The following MSN variants were observed in gnomAD, a reference collection of about 807,000 sequenced individuals.
The protein encoded by MSN is epididymis luminal protein 70.
MSN carries 2 observed loss-of-function variants against 48.0 expected under a neutral mutation model. That is an observed-to-expected ratio of 0.04 (90% CI 0.02 to 0.13). The LOEUF (loss-of-function observed/expected upper bound fraction) is 0.13. Ranked by LOEUF, MSN falls within the 10% of genes least tolerant of loss-of-function variation. MSN has a pLI of 1.00. For synonymous variants in MSN, 146 were observed against 166.9 expected (o/e 0.87, Z 0.97); for missense variants, 267 against 470.1 (o/e 0.57, Z 3.99).
intron 1 of MSN, among the ~76,000 whole-genome samples, chrX:65,708,871 C>A (rs777548448): frequency 6.5e-5 from 7 of 107,995 alleles, no homozygotes; most frequent in African/African-American, 2.4e-4. Context: ...TTAGTAGAGA[C>A]GGGGTTTTGC....
chrX:65,688,517 G>A (rs1205984813), intron 1 of MSN, among the ~76,000 whole-genome samples: 1 of 112,006 alleles, frequency 8.9e-6, no homozygotes, highest in African/African-American at 3.2e-5. Context: ...GACTATGCAC[G>A]GGGTGGAGTG....
exon 1 of MSN, chrX:65,588,489 G>A (rs1345758374): frequency 2.1e-5 from 15 of 717,536 alleles, no homozygotes; most frequent in Non-Finnish European, 2.5e-5. Flanking sequence ...TGCAGGGGCA[G>A]CCATGAGCTC....
At position 65,667,745 on chromosome X, in the gene MSN, C is replaced by G; in HGVS notation, c.-97C>G. 1.9e-5 allele frequency: 22 copies of G among 1,173,680 alleles called. No individual in the cohort carries two copies. The highest frequency in any genetic ancestry group is 2.5e-5 in the Non-Finnish European group (22 of 873,391). On this transcript the variant is annotated 5_prime_UTR_variant, in exon 1 of 13. Coordinates refer to ENST00000360270, the MANE Select transcript of MSN (RefSeq NM_002444.3). ...CGCTAGTGAGGGACCCAATCTGAGT[C>G]CCCGGCCAGCCGAATCCAAGCCGTG...
chrX:65,729,771 A>G, intron 4 of MSN, 59 bp downstream of exon 4: 1 of 1,126,216 alleles, frequency 8.9e-7, no homozygotes, highest in Non-Finnish European at 1.2e-6. Context: ...CCCACAGCTG[A>G]CCAATCCCTG....
At chrX:65,611,720 G>T (rs1051831979) in intron 1 of MSN, among the ~76,000 whole-genome samples, 3 of 111,603 alleles carry the variant, frequency 2.7e-5, no homozygotes, top group Non-Finnish European at 3.8e-5. Flanking sequence ...ATTACTTTGA[G>T]TATATACCCA....
chrX:65,622,211 C>T (rs1322077083), intron 1 of MSN, among the ~76,000 whole-genome samples: 6 of 107,173 alleles, frequency 5.6e-5, no homozygotes, highest in Non-Finnish European at 9.6e-5. Context: ...TCTCCTGCCT[C>T]AGCCTCCTGA....
chrX:65,712,689 A>G (rs1417134708), intron 1 of MSN, among the ~76,000 whole-genome samples: 1 of 110,916 alleles, frequency 9.0e-6, no homozygotes, highest in African/African-American at 3.3e-5. Flanking sequence ...CACGGACTCT[A>G]TGAAATACTG....
intron 2 of MSN, among the ~76,000 whole-genome samples, chrX:65,719,572 A>G (rs1478116819): frequency 8.9e-6 from 1 of 111,895 alleles, no homozygotes; most frequent in East Asian, 2.8e-4. Flanking sequence ...GGAAGTGTCC[A>G]TAGAACACAT....
intron 1 of MSN, among the ~76,000 whole-genome samples, chrX:65,643,124 G>A (rs1167054534): frequency 1.8e-5 from 2 of 111,392 alleles, no homozygotes; most frequent in East Asian, 2.8e-4. Context: ...TGAATAGGTA[G>A]GTGGTTACCT....
At chrX:65,666,736 C>T (rs758452643), upstream of MSN, among the ~76,000 whole-genome samples, 90 of 111,422 alleles carry the variant, frequency 8.1e-4, no homozygotes, top group Non-Finnish European at 1.3e-3. Flanking sequence ...GTTAAGATTA[C>T]AGTCATGAGC....
intron 8 of MSN, 140 bp downstream of exon 8, chrX:65,735,570 C>A: frequency 1.3e-6 from 1 of 758,337 alleles, no homozygotes; most frequent in Non-Finnish European, 1.8e-6. Flanking sequence ...CACATTTATT[C>A]AGAAAAAATC....
chrX:65,740,504 C>T lies in MSN; in HGVS notation c.*611C>T. On this transcript the variant is annotated 3_prime_UTR_variant, in exon 13 of 13. Transcript: ENST00000360270. ...TGTTGCAAACTCAGCCTCAATAAGC[C>T]TTGTCGTTGACTTTAGGGACTCAAT... The T allele has an allele frequency of 1.1e-5, 2 of 174,460 alleles. No homozygotes were observed. The highest frequency in any genetic ancestry group is 2.2e-5 in the Non-Finnish European group (2 of 90,882). 14.4% of individuals were successfully genotyped at this position (174,460 alleles called of 1,213,427 possible). A position where few individuals can be genotyped will look rare whatever the true frequency, so the allele number is the denominator to read the frequency against.
At chrX:65,732,398 A>G (rs2071631518) in intron 6 of MSN, among the ~76,000 whole-genome samples, 1 of 112,848 alleles carries the variant, frequency 8.9e-6, no homozygotes, top group Non-Finnish European at 1.9e-5. Context: ...TAATTTTATT[A>G]CATCCATTTC....
chrX:65,672,852 T>C (rs1009728061), intron 1 of MSN, among the ~76,000 whole-genome samples: 3 of 111,872 alleles, frequency 2.7e-5, no homozygotes, highest in Non-Finnish European at 5.6e-5. Flanking sequence ...ATATGTATGT[T>C]CATTCCTTCA....
intron 1 of MSN, among the ~76,000 whole-genome samples, chrX:65,715,996 C>G (rs2071461176): frequency 8.9e-6 from 1 of 111,826 alleles, no homozygotes; most frequent in African/African-American, 3.3e-5. Context: ...GAGGTATGCT[C>G]CTTCAATACC....
chrX:65,681,225 A>C (rs1245460917), intron 1 of MSN, among the ~76,000 whole-genome samples: 2 of 111,570 alleles, frequency 1.8e-5, no homozygotes, highest in Non-Finnish European at 3.8e-5. Flanking sequence ...ACTATCTTCT[A>C]TGTGCCCACT....
intron 1 of MSN, among the ~76,000 whole-genome samples, chrX:65,691,567 C>T (rs1569462982): frequency 9.0e-6 from 1 of 111,006 alleles, no homozygotes; most frequent in African/African-American, 3.3e-5. Context: ...TGCAATGGTG[C>T]AATCTCGACT....
rs758263845 is a variant in MSN, at chrX:65,739,021, G to T, written c.1396G>T (p.Ala466Ser). 15 of 1,211,929 alleles carry T rather than the reference G, an allele frequency of 1.2e-5. No individual in the cohort carries two copies. The highest frequency in any genetic ancestry group is 1.5e-5 in the Non-Finnish European group (13 of 895,475). ...LEKTRAELKT[A>S]MSTPHVAEPA... is the part of the protein sequence containing the mutation. ...GAAGACCCGTGCTGAGCTGAAGACT[G>T]CCATGAGTACACCTCATGTGGCAGA... The change falls in exon 12 of 13, where the codon GCC becomes TCC. Residue 466 changes from alanine to serine, a missense_variant. Ala to Ser is a moderately conservative substitution (Grantham distance 99). Around this residue, in one of 5 missense-constraint regions of MSN, gnomAD observed 48 missense variants for 115.5 expected, o/e 0.42. Coordinates refer to ENST00000360270, the MANE Select transcript of MSN (RefSeq NM_002444.3).
intron 1 of MSN, among the ~76,000 whole-genome samples, chrX:65,634,849 G>A (rs776764181): frequency 9.0e-6 from 1 of 111,148 alleles, no homozygotes; most frequent in East Asian, 2.9e-4. Context: ...TGCTGCTTGG[G>A]CTCACGTACC....
Sources: allele counts gnomAD v4.1 joint callset (sites outside exome capture counted in the v4.1 genomes callset), GRCh38; gene constraint gnomAD v4.1.1; regional missense constraint gnomAD v4.1.1; transcripts MANE v1.5; gene names NCBI Gene and HGNC (gene_info 2026-07-23, HGNC 2026-07-21).